PRKCI: variants seen among roughly 807,000 people sequenced by gnomAD.
PRKCI encodes protein kinase C iota, also known as protein kinase C iota type.
PRKCI carries 43 observed loss-of-function variants against 84.0 expected under a neutral mutation model. The ratio of observed to expected loss-of-function variants is 0.51; its 90% CI spans 0.40 to 0.66. PRKCI has a LOEUF of 0.66. Among genes scored for constraint, PRKCI ranks in the 30% least tolerant of loss-of-function variants. The pLI, the probability that PRKCI is intolerant of heterozygous loss-of-function variation, is 0.00. For missense variants in PRKCI, 459 were observed against 745.6 expected, an observed-to-expected ratio of 0.62 and a Z score of 4.48; for synonymous variants, 216 against 234.4, an observed-to-expected ratio of 0.92 and a Z score of 0.72.
chr3:170,260,642 A>G (rs1450291589), intron 3 of PRKCI, among the ~76,000 whole-genome samples: 1 of 152,076 alleles, frequency 6.6e-6, no homozygotes, highest in Non-Finnish European at 1.5e-5. Flanking sequence ...TAGTAGAGAC[A>G]GGGTTTCACC....
intron 4 of PRKCI, among the ~76,000 whole-genome samples, chr3:170,263,650 A>G (rs549572518): frequency 1.3e-5 from 2 of 152,140 alleles, no homozygotes; most frequent in African/African-American, 2.4e-5. Flanking sequence ...AAAACACACA[A>G]AAAAATTAGC....
rs551803418 is a variant in PRKCI, at chr3:170,283,094, G to A, written c.1067+1126G>A. ...CACTCCAGCCTGGGTGAAAGAGCGA[G>A]ACTCCGTCTCAAAAAAAAAAAAAAA... On this transcript the variant is annotated intron_variant, in intron 11 of 17. Transcript: ENST00000295797. 2.7e-5 allele frequency among the ~76,000 whole-genome samples: 4 copies of A among 148,080 alleles called. No individual in the cohort carries two copies. In the South Asian group the frequency reaches 8.4e-4, roughly 31 times the overall value.
At chr3:170,253,862 C>G (rs1035297117) in intron 2 of PRKCI, among the ~76,000 whole-genome samples, 1 of 151,498 alleles carries the variant, frequency 6.6e-6, no homozygotes, top group African/African-American at 2.4e-5. Context: ...TTTGGGAGGC[C>G]GAGGCGGGCG....
chr3:170,301,877 C>T (rs1560188562), intron 17 of PRKCI, among the ~76,000 whole-genome samples: 1 of 152,130 alleles, frequency 6.6e-6, no homozygotes, highest in East Asian at 1.9e-4. Flanking sequence ...TAACATCTAT[C>T]CTCTTGGCTA....
At chr3:170,262,791 T>G (rs1261064767) in intron 3 of PRKCI, among the ~76,000 whole-genome samples, 1 of 152,036 alleles carries the variant, frequency 6.6e-6, no homozygotes, top group Non-Finnish European at 1.5e-5. Flanking sequence ...ATGCATTGTT[T>G]ATAGACATGT....
intron 2 of PRKCI, among the ~76,000 whole-genome samples, chr3:170,243,101 A>G (rs1038736377): frequency 6.6e-6 from 1 of 152,162 alleles, no homozygotes; most frequent in Non-Finnish European, 1.5e-5. Context: ...TAAGTTATAC[A>G]TATTAAAACT....
chr3:170,279,257 C>T (rs751815744), intron 8 of PRKCI, among the ~76,000 whole-genome samples: 1 of 152,160 alleles, frequency 6.6e-6, no homozygotes, highest in Admixed American at 6.6e-5. Context: ...TCTTGAACTC[C>T]TGGGCTCAAT....
chr3:170,277,591 G>A (rs2059973988), intron 8 of PRKCI, among the ~76,000 whole-genome samples: 1 of 152,052 alleles, frequency 6.6e-6, no homozygotes, highest in South Asian at 2.1e-4. Context: ...CTGCTCGGGA[G>A]GCTGAGGCAG....
chr3:170,253,662 G>T (rs1170172643), intron 2 of PRKCI, among the ~76,000 whole-genome samples: 2 of 152,034 alleles, frequency 1.3e-5, no homozygotes, highest in African/African-American at 4.8e-5. Flanking sequence ...GTGGTGGCAG[G>T]TGCCTATAGT....
At chr3:170,236,733 C>T (rs897057096) in intron 2 of PRKCI, among the ~76,000 whole-genome samples, 4 of 151,770 alleles carry the variant, frequency 2.6e-5, no homozygotes, top group Admixed American at 2.0e-4. Flanking sequence ...TGGTAGCGTG[C>T]ACCTGTGGTC....
chr3:170,239,236 A>G (rs1733058232), intron 2 of PRKCI, among the ~76,000 whole-genome samples: 1 of 152,178 alleles, frequency 6.6e-6, no homozygotes, highest in Admixed American at 6.6e-5. Context: ...CATTAAGAGG[A>G]AAGTTGAGTA....
At chr3:170,246,267 C>T (rs999970117) in intron 2 of PRKCI, among the ~76,000 whole-genome samples, 4 of 152,178 alleles carry the variant, frequency 2.6e-5, no homozygotes, top group Non-Finnish European at 5.9e-5. Context: ...ATTCTCTTGC[C>T]TCAGCCTCCT....
At chr3:170,291,202 G>T (rs991115955) in intron 12 of PRKCI, among the ~76,000 whole-genome samples, 17 of 151,964 alleles carry the variant, frequency 1.1e-4, no homozygotes, top group African/African-American at 4.1e-4. Flanking sequence ...ATCAATGGTT[G>T]TATTAGGAGG....
At chr3:170,263,801 G>A (rs1470497256) in intron 4 of PRKCI, among the ~76,000 whole-genome samples, 2 of 150,642 alleles carry the variant, frequency 1.3e-5, no homozygotes, top group African/African-American at 2.4e-5. Context: ...TTGTCTCAAG[G>A]GGAAAAAAAA....
chr3:170,226,903 CCAAAAAACCCAAACCAAACA>C (rs1186559331), intron 1 of PRKCI, among the ~76,000 whole-genome samples: 1 of 151,912 alleles, frequency 6.6e-6, no homozygotes, highest in Non-Finnish European at 1.5e-5. Context: ...TAGCCTGGTG[CCAAAAAACCCAAACCAAACA>C]CAAAAAACCC....
intron 16 of PRKCI, among the ~76,000 whole-genome samples, chr3:170,297,928 T>A (rs1303492085): frequency 6.6e-6 from 1 of 152,002 alleles, no homozygotes; most frequent in East Asian, 1.9e-4. Flanking sequence ...CAGGCTGGAG[T>A]GCAGTAGTGT....
intron 17 of PRKCI, among the ~76,000 whole-genome samples, chr3:170,299,830 T>G (rs1219918137): frequency 6.6e-6 from 1 of 152,192 alleles, no homozygotes; most frequent in Non-Finnish European, 1.5e-5. Flanking sequence ...AGGACTGTCT[T>G]TGAGTTCCTG....
At chr3:170,289,683 C>T (rs1231850130) in intron 12 of PRKCI, among the ~76,000 whole-genome samples, 6 of 152,000 alleles carry the variant, frequency 3.9e-5, no homozygotes, top group Non-Finnish European at 8.8e-5. Context: ...GAGGCCGAGG[C>T]GGGTGGATCA....
At chr3:170,280,710 A>G (rs1350824189) in intron 9 of PRKCI, among the ~76,000 whole-genome samples, 2 of 152,190 alleles carry the variant, frequency 1.3e-5, no homozygotes, top group Middle Eastern at 3.4e-3. Flanking sequence ...CAGCCTCCCA[A>G]AGTTGCTAGG....
Sources: allele counts gnomAD v4.1 joint callset (sites outside exome capture counted in the v4.1 genomes callset), GRCh38; gene constraint gnomAD v4.1.1; transcripts MANE v1.5; gene names NCBI Gene and HGNC (gene_info 2026-07-23, HGNC 2026-07-21).